The following CREBBP variants were observed in gnomAD, a reference collection of about 807,000 sequenced individuals.
CREBBP encodes CREB binding lysine acetyltransferase.
A neutral mutation model predicts 265.0 loss-of-function variants in CREBBP; 19 were observed. That is an observed-to-expected ratio of 0.07 (90% CI 0.05 to 0.11). The LOEUF is 0.11. Among genes scored for constraint, CREBBP ranks in the 10% least tolerant of loss-of-function variants. The pLI, the probability that CREBBP is intolerant of heterozygous loss-of-function variation, is 1.00. For synonymous variants in CREBBP, 1,457 were observed against 1,223.7 expected, an observed-to-expected ratio of 1.19 and a Z score of -3.98; for missense variants, 2,525 against 3,219.0, an observed-to-expected ratio of 0.78 and a Z score of 5.22.
chr16:3,844,506 C>T (rs1170515043), intron 2 of CREBBP, among the ~76,000 whole-genome samples: 1 of 152,034 alleles, frequency 6.6e-6, no homozygotes, highest in Admixed American at 6.6e-5. Flanking sequence ...AGATTATGCC[C>T]CAATTTTAAA....
At chr16:3,781,354 A>T (rs560762891) in intron 6 of CREBBP, 48 bp from the exon 7 acceptor site, 3 of 1,469,890 alleles carry the variant, frequency 2.0e-6, no homozygotes, top group East Asian at 4.7e-5. Flanking sequence ...TTTAATATAT[A>T]CTTCAAAGTT....
At chr16:3,813,090 C>T (rs2053968764) in intron 2 of CREBBP, 1 of 230,046 alleles carries the variant, frequency 4.3e-6, no homozygotes, top group Non-Finnish European at 8.6e-6. Flanking sequence ...CAAATCAACA[C>T]TCAACACAAC....
intron 5 of CREBBP, among the ~76,000 whole-genome samples, chr16:3,790,556 T>C (rs2053484588): frequency 6.6e-6 from 1 of 152,048 alleles, no homozygotes; most frequent in African/African-American, 2.4e-5. Flanking sequence ...GTGTTTTTAG[T>C]AGAGACTGGT....
At chr16:3,775,727 A>C (rs1456753056) in intron 11 of CREBBP, among the ~76,000 whole-genome samples, 1 of 152,230 alleles carries the variant, frequency 6.6e-6, no homozygotes, top group African/African-American at 2.4e-5. Context: ...GTATTTACCC[A>C]GATGTGCTGG....
chr16:3,860,039 G>A (rs957741595), intron 1 of CREBBP, among the ~76,000 whole-genome samples: 6 of 152,100 alleles, frequency 3.9e-5, no homozygotes, highest in African/African-American at 1.2e-4. Context: ...CAGTCTTGAG[G>A]ACTGAGCCCT....
intron 2 of CREBBP, among the ~76,000 whole-genome samples, chr16:3,810,992 G>A (rs1484200444): frequency 1.3e-5 from 2 of 151,788 alleles, no homozygotes; most frequent in Admixed American, 6.6e-5. Flanking sequence ...GCAAGTAGAC[G>A]AGCTGTTTCC....
chr16:3,738,600 A>G lies in CREBBP; in HGVS notation c.4353T>C (p.His1451=), dbSNP rs2151334169. 1 of 1,612,998 alleles carries G rather than the reference A, an allele frequency of 6.2e-7. No homozygotes were observed. The highest frequency in any genetic ancestry group is 2.2e-5 in the East Asian group (1 of 44,882). Residue 1451 remains histidine (H), a synonymous_variant, in exon 26 of 31, where the codon CAT becomes CAC. Transcript: ENST00000262367. ...RPRCLRTAVY[H]EILIGYLEYV... is the part of the protein sequence containing the mutation. ...ACTCTAAATATCCAATAAGGATCTC[A>G]TGGTAAACGGCTGTGCGGAGGCAAC... is the stretch of plus-strand genomic sequence containing the variant.
intron 2 of CREBBP, 151 bp downstream of exon 2, chr16:3,850,146 A>C (rs1668800713): frequency 1.3e-6 from 1 of 756,474 alleles, no homozygotes; most frequent in Admixed American, 2.1e-5. Context: ...TCTTTATCCT[A>C]GAAAGAAATC....
chr16:3,743,132 T>C (rs1010889612), intron 23 of CREBBP: 2 of 152,196 alleles, frequency 1.3e-5, no homozygotes, highest in African/African-American at 4.8e-5. Context: ...CATCTGGCAA[T>C]GTCTGGAGAC....
At chr16:3,866,759 C>A (rs2055186952) in intron 1 of CREBBP, among the ~76,000 whole-genome samples, 1 of 152,058 alleles carries the variant, frequency 6.6e-6, no homozygotes, top group Non-Finnish European at 1.5e-5. Context: ...CTAGAAATTT[C>A]CTACATACAC....
Position 3,751,627 on chromosome 16 carries a change from A to G in CREBBP, c.3779+99T>C. On this transcript the variant is annotated intron_variant, in intron 20 of 30. Coordinates refer to ENST00000262367, the MANE Select transcript of CREBBP (RefSeq NM_004380.3). ...ACCAAAAAACATTGCAAGGAAGTCA[A>G]AATGGCACCGGTACCTTCCTTATAG... is the stretch of plus-strand genomic sequence containing the variant. 6.5e-6 allele frequency: 8 copies of G among 1,222,382 alleles called. No homozygotes were observed. In the South Asian group the frequency reaches 9.7e-5, roughly 15 times the overall value. The allele number at this position is 1,222,382 out of a possible 1,614,324, so 75.7% of individuals were successfully genotyped here.
chr16:3,733,145 G>C (rs942239902), intron 28 of CREBBP, among the ~76,000 whole-genome samples: 1 of 151,946 alleles, frequency 6.6e-6, no homozygotes, highest in African/African-American at 2.4e-5. Context: ...GGCGGATCTC[G>C]AGGTCAGGAA....
chr16:3,748,179 C>T (rs1423123011), intron 21 of CREBBP, among the ~76,000 whole-genome samples: 2 of 151,394 alleles, frequency 1.3e-5, no homozygotes, highest in East Asian at 3.9e-4. Context: ...CTTGGGAGGC[C>T]AAGGCAGAGA....
chr16:3,849,417 GTGTGTGTGTGTGTGTGTGTGTGTGTGT>G (rs2054742303), intron 2 of CREBBP, among the ~76,000 whole-genome samples: 7 of 7,112 alleles, frequency 9.8e-4, no homozygotes, highest in Admixed American at 5.0e-3. Flanking sequence ...GTGTGTGTGT[GTGTGTGTGTGTGTGTGTGTGTGTGTGT>G]GTGTGTGTGT....
rs1428912044 is a variant in CREBBP, at chr16:3,728,732, T to C, written c.6315A>G (p.Thr2105=). ...QLMAAFIKQR[T]AKYVANQPGM... Reference sequence around the variant, plus strand: ...CGGGCTGATTGGCCACGTACTTGGCTGTGCGCTGTTTGATGAAAGCTGCCA... The same window carrying C: ...CGGGCTGATTGGCCACGTACTTGGCCGTGCGCTGTTTGATGAAAGCTGCCA... Residue 2105 remains threonine, a synonymous_variant, in exon 31 of 31, where the codon ACA becomes ACG. Transcript: ENST00000262367. This position sits in a 1 kb window ranked among gnomAD's most constrained non-coding sequence, Gnocchi z 8.7. The C allele has an allele frequency of 5.0e-6, 8 of 1,613,916 alleles. No individual in the cohort carries two copies. Among genetic ancestry groups the C allele is most frequent in the Non-Finnish European group, 6.8e-6 (8 of 1,179,984 alleles).
chr16:3,825,466 T>C (rs1046494760), intron 2 of CREBBP, among the ~76,000 whole-genome samples: 3 of 152,186 alleles, frequency 2.0e-5, no homozygotes, highest in African/African-American at 7.2e-5. Flanking sequence ...TTGCAATTAG[T>C]TGATAAGCAT....
chr16:3,850,412 G>C lies in CREBBP; in HGVS notation c.683C>G (p.Thr228Ser). 4 of 1,614,254 alleles carry C rather than the reference G, an allele frequency of 2.5e-6. No individual in the cohort carries two copies. The highest frequency in any genetic ancestry group is 3.4e-6 in the Non-Finnish European group (4 of 1,180,048). Residue 228 changes from threonine to serine, a missense_variant, in exon 2 of 31, where the codon ACT becomes AGT. Transcript: ENST00000262367. ...GCTCGAGGCGCCCTGCATGGCTGGAGTAGGGTACGGCATTCCAGCTCCCCT... is the reference window on the plus strand; with the variant it reads ...GCTCGAGGCGCCCTGCATGGCTGGACTAGGGTACGGCATTCCAGCTCCCCT... Reference protein sequence around the residue: ...RGRGAGMPYPTPAMQGASSSV... With the variant: ...RGRGAGMPYPSPAMQGASSSV...
intron 14 of CREBBP, among the ~76,000 whole-genome samples, chr16:3,770,076 G>A (rs1368254339): frequency 6.6e-6 from 1 of 152,084 alleles, no homozygotes; most frequent in Non-Finnish European, 1.5e-5. Flanking sequence ...CACAACTTTG[G>A]CCAGGCTGGT....
Position 3,726,421 on chromosome 16 carries a change from TCAGTCGC to T in CREBBP, c.*1290_*1296del, listed in dbSNP as rs2051747532. ...TGGGGCCAACGCTGAGCCGCCCACC[TCAGTCGC>T]CCACCTCAGTCTCCGGGAAGAAAAG... On this transcript the variant is annotated 3_prime_UTR_variant, in exon 31 of 31. Coordinates refer to ENST00000262367, the MANE Select transcript of CREBBP (RefSeq NM_004380.3). 2 of 436 alleles carry T rather than the reference TCAGTCGC, an allele frequency of 4.6e-3. No individual in the cohort carries two copies. Among genetic ancestry groups the T allele is most frequent in the Non-Finnish European group, 0.014 (2 of 144 alleles). The allele number at this position is 436 out of a possible 1,614,324, so 0.0% of individuals were successfully genotyped here. A position where few individuals can be genotyped will look rare whatever the true frequency, so the allele number is the denominator to read the frequency against.
Sources: gnomAD v4.1 joint callset for allele counts (sites outside exome capture counted in the v4.1 genomes callset) on GRCh38, gnomAD v4.1.1 for gene constraint, Gnocchi (gnomAD v3.1) non-coding constraint, MANE v1.5 for transcripts, NCBI Gene and HGNC (gene_info 2026-07-23, HGNC 2026-07-21) for gene names.